Variants in ADAM29 observed in about 807,000 individuals in gnomAD.
ADAM29 encodes disintegrin and metalloproteinase domain-containing protein 29.
For synonymous variants in ADAM29, 367 were observed against 342.3 expected (o/e 1.07, Z -0.80); for missense variants, 969 against 1,001.8 (o/e 0.97, Z 0.44).
intron 4 of ADAM29, among the ~76,000 whole-genome samples, chr4:174,970,152 T>C (rs1002799465): frequency 2.0e-5 from 3 of 152,092 alleles, no homozygotes; most frequent in African/African-American, 7.2e-5. Flanking sequence ...TAGGATTAGT[T>C]ATTAAGAAGA....
In ADAM29 at chr4:174,973,758, T is replaced by C. The variant is rs1746596799; in HGVS notation, c.-180-1588T>C. Among the ~76,000 whole-genome samples, 4 of 152,332 alleles carry C rather than the reference T, an allele frequency of 2.6e-5. No homozygotes were observed. In the South Asian group the frequency reaches 8.3e-4, roughly 32 times the overall value. On this transcript the variant is annotated intron_variant, in intron 4 of 4. Transcript: ENST00000359240. Reference sequence around the variant, plus strand: ...CAGCTCAATCATTGCTGGTGCCATCTGGGGCAGAAGGCCCTTTCTAGGCCA... The same window carrying C: ...CAGCTCAATCATTGCTGGTGCCATCCGGGGCAGAAGGCCCTTTCTAGGCCA...
At chr4:174,949,325 C>T (rs186946743) in intron 4 of ADAM29, among the ~76,000 whole-genome samples, 42 of 152,274 alleles carry the variant, frequency 2.8e-4, no homozygotes, top group Admixed American at 1.5e-3. Flanking sequence ...GGCCATGCTC[C>T]GCTGAAGCCA....
chr4:174,949,308 C>T (rs1456255615), intron 4 of ADAM29, among the ~76,000 whole-genome samples: 1 of 152,184 alleles, frequency 6.6e-6, no homozygotes, highest in African/African-American at 2.4e-5. Flanking sequence ...GAGGGATGAG[C>T]ATCACTGGCC....
rs930143797 is a variant in ADAM29 at position 174,938,135 on chromosome 4, A to G, written c.-181+1122A>G. On this transcript the variant is annotated intron_variant, in intron 4 of 4. Coordinates refer to ENST00000359240, the MANE Select transcript of ADAM29 (RefSeq NM_014269.4). Reference sequence around the variant, plus strand: ...GAAGGGTCTCTAAATACAAATGAACATTTCAGCATGTGGATATGGCCACAA... The same window carrying G: ...GAAGGGTCTCTAAATACAAATGAACGTTTCAGCATGTGGATATGGCCACAA... Among the ~76,000 whole-genome samples the G allele has an allele frequency of 2.6e-5, 4 of 152,134 alleles. No individual in the cohort carries two copies. In the South Asian group the frequency reaches 6.2e-4, roughly 24 times the overall value.
chr4:174,926,226 C>A (rs1039770442), intron 2 of ADAM29, among the ~76,000 whole-genome samples: 1 of 152,144 alleles, frequency 6.6e-6, no homozygotes, highest in African/African-American at 2.4e-5. Context: ...TTACTATTAT[C>A]ATTCCCATTT....
chr4:174,969,244 C>T (rs1417966394), intron 4 of ADAM29, among the ~76,000 whole-genome samples: 3 of 151,348 alleles, frequency 2.0e-5, no homozygotes, highest in African/African-American at 7.3e-5. Context: ...AATTCATCCT[C>T]TTCATTTTTC....
chr4:174,925,825 G>A (rs13102558), intron 2 of ADAM29, among the ~76,000 whole-genome samples: 61,178 of 151,954 alleles, frequency 0.4, 13,750 homozygotes, highest in East Asian at 0.69. Context: ...TGCTTGAGAA[G>A]GCTTAGAAAA....
chr4:174,945,609 G>C (rs1288148387), intron 4 of ADAM29, among the ~76,000 whole-genome samples: 2 of 151,954 alleles, frequency 1.3e-5, no homozygotes, highest in African/African-American at 4.8e-5. Flanking sequence ...TATCTTCCAG[G>C]GTTTTTACAG....
Position 174,976,890 on chromosome 4 carries a change from T to C in ADAM29, c.1365T>C (p.Cys455=), listed in dbSNP as rs1184344554. 3.1e-6 allele frequency: 5 copies of C among 1,614,040 alleles called. No individual in the cohort carries two copies. Among genetic ancestry groups the C allele is most frequent in the East Asian group, 2.2e-5 (1 of 44,882 alleles). Residue 455 remains cysteine, a synonymous_variant, in exon 5 of 5, where the codon TGT becomes TGC. Coordinates refer to ENST00000359240, the MANE Select transcript of ADAM29 (RefSeq NM_014269.4). ...DCKFLPSGKV[C]RKEVNECDLP... ...AGTTCCTACCATCAGGGAAAGTGTG[T>C]AGAAAGGAGGTCAATGAATGTGATC... is the stretch of plus-strand genomic sequence containing the variant.
chr4:174,924,800 G>A (rs535674707), intron 2 of ADAM29, among the ~76,000 whole-genome samples: 1 of 152,272 alleles, frequency 6.6e-6, no homozygotes, highest in Admixed American at 6.5e-5. Context: ...TAGGAGTCTG[G>A]AGAAGCATAA....
At chr4:174,973,282 A>C (rs778674461) in intron 4 of ADAM29, among the ~76,000 whole-genome samples, 1 of 152,172 alleles carries the variant, frequency 6.6e-6, no homozygotes, top group Non-Finnish European at 1.5e-5. Context: ...GACACAAATC[A>C]ATCTCTTCCA....
In ADAM29 at chr4:174,976,027, CAAA is replaced by C; in HGVS notation, c.504_506del (p.Gln168_Asn169delinsHis). 1 of 1,612,700 alleles carries C rather than the reference CAAA, an allele frequency of 6.2e-7. No individual in the cohort carries two copies. Among genetic ancestry groups the C allele is most frequent in the Non-Finnish European group, 8.5e-7 (1 of 1,179,682 alleles). On this transcript the variant is annotated inframe_deletion, in exon 5 of 5. Coordinates refer to ENST00000359240, the MANE Select transcript of ADAM29 (RefSeq NM_014269.4). Reference sequence around the variant, plus strand: ...TTCAACCATGAGATCCGGATTTATGCAAAATGAAATAACATGCCGAATGGAATT... The same window carrying C: ...TTCAACCATGAGATCCGGATTTATGCATGAAATAACATGCCGAATGGAATT...
chr4:174,941,763 T>C (rs4695802), intron 4 of ADAM29, among the ~76,000 whole-genome samples: 108,128 of 152,026 alleles, frequency 0.71, 39,927 homozygotes, highest in Non-Finnish European at 0.81. Context: ...TCTTACATTT[T>C]AAAACCAATT....
intron 4 of ADAM29, among the ~76,000 whole-genome samples, chr4:174,958,351 A>C (rs1745625254): frequency 6.6e-6 from 1 of 151,798 alleles, no homozygotes; most frequent in Non-Finnish European, 1.5e-5. Flanking sequence ...GGTACATACC[A>C]GTTAAGGTTG....
intron 4 of ADAM29, among the ~76,000 whole-genome samples, chr4:174,949,668 C>T (rs1473767626): frequency 6.6e-6 from 1 of 151,876 alleles, no homozygotes; most frequent in African/African-American, 2.4e-5. Context: ...CAGTCTGCCC[C>T]GTATCACAGT....
chr4:174,936,234 G>T (rs1744189926), intron 3 of ADAM29, among the ~76,000 whole-genome samples: 1 of 151,872 alleles, frequency 6.6e-6, no homozygotes, highest in African/African-American at 2.4e-5. Flanking sequence ...ATGTAATTTC[G>T]ACTTGAATTC....
chr4:174,959,985 A>G (rs992911458), intron 4 of ADAM29, among the ~76,000 whole-genome samples: 7 of 152,162 alleles, frequency 4.6e-5, no homozygotes, highest in Admixed American at 3.3e-4. Flanking sequence ...TTTACAATGA[A>G]TCCAATAAAA....
Position 174,976,948 on chromosome 4 carries a change from T to G in ADAM29, c.1423T>G (p.Cys475Gly). ...GTGGTGCAATGGTACTTCCCATAAG[T>G]GCCCAGATGACTTTTATGTGGAAGA... ...PEWCNGTSHK[C>G]PDDFYVEDGI... Residue 475 changes from cysteine to glycine, a missense_variant, in exon 5 of 5, where the codon TGC becomes GGC. Physicochemically the swap from Cys to Gly is radical, Grantham distance 159. Coordinates refer to ENST00000359240, the MANE Select transcript of ADAM29 (RefSeq NM_014269.4). 6.2e-7 allele frequency: 1 copy of G among 1,614,090 alleles called. No homozygotes were observed. The highest frequency in any genetic ancestry group is 8.5e-7 in the Non-Finnish European group (1 of 1,180,016).
At chr4:174,928,767 G>T (rs2110920249) in intron 2 of ADAM29, among the ~76,000 whole-genome samples, 1 of 152,202 alleles carries the variant, frequency 6.6e-6, no homozygotes, top group South Asian at 2.1e-4. Flanking sequence ...GCTAATACGT[G>T]CTTATCTAAG....
Sources: gnomAD v4.1 joint callset for allele counts (sites outside exome capture counted in the v4.1 genomes callset) on GRCh38, gnomAD v4.1.1 for gene constraint, MANE v1.5 for transcripts, NCBI Gene and HGNC (gene_info 2026-07-23, HGNC 2026-07-21) for gene names.